The following STXBP5 variants were observed in gnomAD, a reference collection of about 807,000 sequenced individuals.
STXBP5 encodes syntaxin binding protein 5, also known as syntaxin-binding protein 5.
In STXBP5, 50 loss-of-function variants were observed where a neutral mutation model predicts 152.4. That is an observed-to-expected ratio of 0.33 (90% confidence interval 0.26 to 0.42). STXBP5 has a LOEUF of 0.42. Among genes scored for constraint, STXBP5 ranks in the 10% least tolerant of loss-of-function variants. The pLI, the probability that STXBP5 is intolerant of heterozygous loss-of-function variation, is 1.00. For missense variants in STXBP5, 1,167 were observed against 1,388.6 expected (o/e 0.84, Z 2.54); for synonymous variants, 492 against 494.7 (o/e 0.99, Z 0.07).
chr6:147,324,067 A>T (rs1313915023), intron 16 of STXBP5, among the ~76,000 whole-genome samples: 4 of 152,140 alleles, frequency 2.6e-5, no homozygotes, highest in Non-Finnish European at 5.9e-5. Flanking sequence ...ATTATCCAGC[A>T]ATTATTAAAA....
chr6:147,312,447 G>A (rs1277687092), intron 11 of STXBP5, among the ~76,000 whole-genome samples: 1 of 152,084 alleles, frequency 6.6e-6, no homozygotes, highest in Admixed American at 6.6e-5. Flanking sequence ...TCAATCAAGG[G>A]TGATTTTTGC....
At chr6:147,327,393 A>G (rs1783319810) in intron 18 of STXBP5, 117 bp downstream of exon 18, 1 of 1,218,610 alleles carries the variant, frequency 8.2e-7, no homozygotes, top group South Asian at 1.7e-5. Context: ...GTCTGTATAT[A>G]TAAACTGCCA....
chr6:147,304,888 T>C (rs74717147), intron 9 of STXBP5, among the ~76,000 whole-genome samples: 1 of 152,096 alleles, frequency 6.6e-6, no homozygotes, highest in Non-Finnish European at 1.5e-5. Context: ...TGGGAGAAAT[T>C]GGAATTTACC....
At chr6:147,379,703 CTG>C (rs1318670991) in intron 26 of STXBP5, among the ~76,000 whole-genome samples, 1 of 152,078 alleles carries the variant, frequency 6.6e-6, no homozygotes, top group East Asian at 1.9e-4. Flanking sequence ...AGAAGTAAAA[CTG>C]TCTCTATTTG....
intron 22 of STXBP5, among the ~76,000 whole-genome samples, chr6:147,355,391 AG>A (rs1487593539): frequency 1.3e-5 from 2 of 152,182 alleles, no homozygotes; most frequent in Non-Finnish European, 2.9e-5. Context: ...GCATGAAAAC[AG>A]TGATTTTATG....
intron 8 of STXBP5, among the ~76,000 whole-genome samples, chr6:147,290,227 T>G (rs769716543): frequency 6.6e-5 from 10 of 152,048 alleles, no homozygotes; most frequent in Non-Finnish European, 1.3e-4. Context: ...GAAAAAAAAT[T>G]TGCTTGCCTA....
chr6:147,283,785 G>A (rs1392523178), intron 8 of STXBP5, among the ~76,000 whole-genome samples: 1 of 152,080 alleles, frequency 6.6e-6, no homozygotes, highest in Non-Finnish European at 1.5e-5. Flanking sequence ...TTGGCCAAAA[G>A]TAAAAAAACA....
chr6:147,264,071 A>G (rs890219874), intron 6 of STXBP5, among the ~76,000 whole-genome samples: 1 of 151,140 alleles, frequency 6.6e-6, no homozygotes, highest in Admixed American at 6.6e-5. Context: ...GATGGAGTAA[A>G]TAAGTTATAT....
chr6:147,231,697 G>A (rs1448255952), intron 2 of STXBP5, among the ~76,000 whole-genome samples: 1 of 151,802 alleles, frequency 6.6e-6, no homozygotes, highest in Non-Finnish European at 1.5e-5. Context: ...AATGTTCAGT[G>A]TATAATCTTT....
intron 23 of STXBP5, among the ~76,000 whole-genome samples, chr6:147,361,116 A>T (rs1785045381): frequency 6.6e-6 from 1 of 152,156 alleles, no homozygotes; most frequent in Non-Finnish European, 1.5e-5. Context: ...GAATAAAATA[A>T]ACTGGAAAGT....
rs190656513 is a variant in STXBP5, at chr6:147,353,336, G to A, written c.2268G>A (p.Arg756=). The A allele has an allele frequency of 2.5e-6, 4 of 1,579,098 alleles. No homozygotes were observed. In the Admixed American group the frequency reaches 5.3e-5, roughly 21 times the overall value. Residue 756 remains arginine (R), a synonymous_variant, in exon 22 of 28, where the codon AGG becomes AGA. Transcript: ENST00000321680. The part of the protein sequence containing the change: ...MVANDIAKMS[R]KLSLPTDLKP... ...TTTATTTTTCAGCAAAGATGTCAAG[G>A]AAGTTAAGCTTACCTACTGACCTAA...
intron 21 of STXBP5, among the ~76,000 whole-genome samples, chr6:147,344,034 T>G (rs1224287156): frequency 6.6e-6 from 1 of 152,226 alleles, no homozygotes; most frequent in African/African-American, 2.4e-5. Flanking sequence ...GAACTAAATT[T>G]TATAGGCAGA....
At chr6:147,348,410 A>C (rs1186551885) in intron 21 of STXBP5, among the ~76,000 whole-genome samples, 1 of 151,724 alleles carries the variant, frequency 6.6e-6, no homozygotes, top group East Asian at 1.9e-4. Context: ...CATGCAAAAT[A>C]GACAAGATTC....
At chr6:147,368,017 G>A (rs1785373542) in intron 25 of STXBP5, among the ~76,000 whole-genome samples, 1 of 152,016 alleles carries the variant, frequency 6.6e-6, no homozygotes, top group Non-Finnish European at 1.5e-5. Context: ...TTGAAATAGA[G>A]GTTAGGAACC....
In STXBP5 at chr6:147,227,363, GC is replaced by G. The variant is rs1275050136; in HGVS notation, c.249-7884del. ...TGATGAAAAGAACATGCCCTACCTT[GC>G]CCATGCCTACCCCTGCTCCCCAGAA... On this transcript the variant is annotated intron_variant, in intron 2 of 27. Transcript: ENST00000321680. Among the ~76,000 whole-genome samples the G allele has an allele frequency of 6.4e-4, 97 of 152,194 alleles. 1 individual carries two copies. The highest frequency in any genetic ancestry group is 2.8e-4 in the Non-Finnish European group (19 of 67,992).
At chr6:147,249,587 C>A (rs608147) in intron 4 of STXBP5, among the ~76,000 whole-genome samples, 1 of 151,908 alleles carries the variant, frequency 6.6e-6, no homozygotes, top group African/African-American at 2.4e-5. Context: ...GTTGAGGGTG[C>A]GAGCCGATTC....
chr6:147,367,466 G>A (rs547583730), intron 25 of STXBP5, among the ~76,000 whole-genome samples: 14 of 151,830 alleles, frequency 9.2e-5, no homozygotes, highest in Non-Finnish European at 1.9e-4. Flanking sequence ...GTGAAACCCC[G>A]TCTCAACTAA....
chr6:147,241,181 C>T (rs1055620178), intron 4 of STXBP5, among the ~76,000 whole-genome samples: 3 of 152,144 alleles, frequency 2.0e-5, no homozygotes, highest in African/African-American at 7.2e-5. Flanking sequence ...CCATATACCT[C>T]ATATACCACC....
chr6:147,311,423 G>T, intron 10 of STXBP5, 32 bp from the exon 11 acceptor site: 1 of 1,588,508 alleles, frequency 6.3e-7, no homozygotes, highest in South Asian at 1.1e-5. Flanking sequence ...TTGCATTTTT[G>T]AAACTATAAT....
Sources: allele counts gnomAD v4.1 joint callset (sites outside exome capture counted in the v4.1 genomes callset), GRCh38; gene constraint gnomAD v4.1.1; transcripts MANE v1.5; gene names NCBI Gene and HGNC (gene_info 2026-07-23, HGNC 2026-07-21).